SEL1L3: variants seen among roughly 807,000 people sequenced by gnomAD.
SEL1L3 encodes the protein SEL1L family member 3.
Under a neutral mutation model 142.8 loss-of-function variants are expected in SEL1L3, and 76 were observed. The ratio of observed to expected loss-of-function variants is 0.53; its 90% confidence interval spans 0.44 to 0.64. The LOEUF (loss-of-function observed/expected upper bound fraction) is 0.64. SEL1L3 is among the 30% of genes least tolerant of loss of function. SEL1L3 has a pLI of 0.00. For synonymous variants in SEL1L3, 504 were observed against 519.6 expected, an observed-to-expected ratio of 0.97 and a Z score of 0.41; for missense variants, 1,262 against 1,381.7, an observed-to-expected ratio of 0.91 and a Z score of 1.37.
intron 8 of SEL1L3, among the ~76,000 whole-genome samples, chr4:25,819,260 T>C (rs551474111): frequency 1.2e-4 from 18 of 152,360 alleles, no homozygotes; most frequent in African/African-American, 4.1e-4. Flanking sequence ...TGAGCATGCA[T>C]GAAAGCAGTC....
At chr4:25,752,008 C>T (rs1264123384) in intron 23 of SEL1L3, among the ~76,000 whole-genome samples, 1 of 150,304 alleles carries the variant, frequency 6.7e-6, no homozygotes, top group Non-Finnish European at 1.5e-5. Context: ...ACTCAGGAGG[C>T]TGAGGCAGGA....
chr4:25,795,109 A>T (rs1313613375), intron 11 of SEL1L3, among the ~76,000 whole-genome samples: 1 of 152,152 alleles, frequency 6.6e-6, no homozygotes, highest in African/African-American at 2.4e-5. Context: ...TGCTGGCTTA[A>T]TACTTAGATG....
intron 13 of SEL1L3, among the ~76,000 whole-genome samples, chr4:25,787,528 C>G (rs1320565549): frequency 6.6e-6 from 1 of 152,220 alleles, no homozygotes; most frequent in African/African-American, 2.4e-5. Context: ...CCATGTTGGC[C>G]AGGCTTGTCT....
At chr4:25,854,931 G>T (rs957153510) in intron 1 of SEL1L3, among the ~76,000 whole-genome samples, 2 of 152,226 alleles carry the variant, frequency 1.3e-5, no homozygotes, top group African/African-American at 4.8e-5. Flanking sequence ...GTGGGGCAAT[G>T]TTTCCTTAAG....
rs367998605 is a variant in SEL1L3, at chr4:25,767,667, G to A, written c.2761-58C>T. On this transcript the variant is annotated intron_variant, in intron 18 of 23. Transcript: ENST00000399878. ...TTAATATTTCGGCCAAGTGACCAAC[G>A]TTGCCTCCATAAAACCCAATTCATT... 2.7e-5 allele frequency: 40 copies of A among 1,472,432 alleles called. No homozygotes were observed. The African/African-American group carries it at 3.5e-4, about 13-fold the overall frequency. The allele number at this position is 1,472,432 out of a possible 1,614,324, so 91.2% of individuals were successfully genotyped here.
In SEL1L3 at chr4:25,847,637, T is replaced by A; in HGVS notation, c.390A>T (p.Lys130Asn). Residue 130 changes from lysine to asparagine, a missense_variant, in exon 2 of 24, where the codon AAA becomes AAT. By Grantham distance (94) the Lys-to-Asn change is moderately conservative. Transcript: ENST00000399878. ...GAAGATGTTTCTCATTCTTCCACCTTTTTTTGTACACGGGAATGCTACTTC... is the reference window on the plus strand; with the variant it reads ...GAAGATGTTTCTCATTCTTCCACCTATTTTTGTACACGGGAATGCTACTTC... ...EFRSSIPVYK[K>N]RWKNEKHLHT... 6.2e-7 allele frequency: 1 copy of A among 1,614,036 alleles called. No individual in the cohort carries two copies. The highest frequency in any genetic ancestry group is 8.5e-7 in the Non-Finnish European group (1 of 1,179,890).
rs926202360 is a variant in SEL1L3 at position 25,837,293 on chromosome 4, A to G, written c.734-1970T>C. On this transcript the variant is annotated intron_variant, in intron 2 of 23. Coordinates refer to ENST00000399878, the MANE Select transcript of SEL1L3 (RefSeq NM_015187.5). ...CAGATGGCCACGTTAGACCCCTAGG[A>G]AGCCTTCTGCTGGTGATGGCTGTTG... Among the ~76,000 whole-genome samples, 5 of 146,838 alleles carry G rather than the reference A, an allele frequency of 3.4e-5. No homozygotes were observed. The Admixed American group carries it at 3.5e-4, about 10-fold the overall frequency.
chr4:25,726,646 G>A, the SEL1L3 span, among the ~76,000 whole-genome samples: 47 of 152,232 alleles, frequency 3.1e-4, no homozygotes, highest in African/African-American at 1.1e-3. Context: ...ACACGATGCC[G>A]GGAACGGGCC....
At chr4:25,755,418 C>A (rs1439026777) in intron 23 of SEL1L3, among the ~76,000 whole-genome samples, 1 of 152,008 alleles carries the variant, frequency 6.6e-6, no homozygotes, top group African/African-American at 2.4e-5. Context: ...GTCTTTATTT[C>A]TTTATTTGGG....
At chr4:25,790,908 T>C (rs1285318851) in intron 11 of SEL1L3, among the ~76,000 whole-genome samples, 1 of 152,342 alleles carries the variant, frequency 6.6e-6, no homozygotes, top group East Asian at 1.9e-4. Flanking sequence ...CAAGAAAAAC[T>C]ATATGAATAA....
Position 25,862,674 on chromosome 4 carries a change from C to A in SEL1L3, c.162+1G>T. The A allele has an allele frequency of 7.7e-7, 1 of 1,290,324 alleles. No individual in the cohort carries two copies. The highest frequency in any genetic ancestry group is 9.8e-7 in the Non-Finnish European group (1 of 1,016,778). 79.9% of individuals were successfully genotyped at this position (1,290,324 alleles called of 1,614,324 possible). The stretch of plus-strand genomic sequence containing the variant: ...AGACCCGGGCAGGGTCCGGCGCTCA[C>A]CAGGTAGCAGAGCAGGAGCAGCGCG... On this transcript the variant is annotated splice_donor_variant, in intron 1 of 23. Transcript: ENST00000399878. LOFTEE classifies it high-confidence loss of function.
chr4:25,715,643 TA>T, the SEL1L3 span, among the ~76,000 whole-genome samples: 5,350 of 152,260 alleles, frequency 0.035, 290 homozygotes, highest in African/African-American at 0.12. Context: ...CCATTGTTTG[TA>T]ACAACAAAAT....
chr4:25,824,862 C>T (rs904283985), intron 6 of SEL1L3, among the ~76,000 whole-genome samples: 7 of 152,122 alleles, frequency 4.6e-5, no homozygotes, highest in African/African-American at 1.4e-4. Flanking sequence ...ATAGAGCTTA[C>T]TAAAAAATTG....
At chr4:25,779,714 T>C (rs1719872478) in intron 15 of SEL1L3, among the ~76,000 whole-genome samples, 1 of 152,210 alleles carries the variant, frequency 6.6e-6, no homozygotes, top group South Asian at 2.1e-4. Flanking sequence ...TCTTATGTCA[T>C]CAGAGACAGG....
At chr4:25,738,400 TTGTC>T in the SEL1L3 span, among the ~76,000 whole-genome samples, 7 of 152,184 alleles carry the variant, frequency 4.6e-5, no homozygotes, top group Non-Finnish European at 8.8e-5. Context: ...AGTACAGGTT[TTGTC>T]TGTCTGTTGG....
chr4:25,735,896 C>T, the SEL1L3 span, among the ~76,000 whole-genome samples: 1 of 138,482 alleles, frequency 7.2e-6, no homozygotes, highest in Admixed American at 7.8e-5. Flanking sequence ...GTGACCCGAT[C>T]TCAGCTCACT....
chr4:25,856,607 A>AC (rs1717281398), intron 1 of SEL1L3, among the ~76,000 whole-genome samples: 1 of 151,380 alleles, frequency 6.6e-6, no homozygotes, highest in South Asian at 2.1e-4. Context: ...AAAAAAAAAA[A>AC]AAAAAACAAA....
chr4:25,765,482 T>A (rs772047200), intron 19 of SEL1L3, 47 bp from the exon 20 acceptor site: 1 of 1,224,236 alleles, frequency 8.2e-7, no homozygotes, highest in African/African-American at 1.5e-5. Context: ...GTTTTTTTTA[T>A]ACCAACATTT....
rs1440323233 is a variant in SEL1L3, at chr4:25,771,642, T to G, written c.2670-3812A>C. Among the ~76,000 whole-genome samples the G allele has an allele frequency of 2.0e-5, 3 of 152,208 alleles. No individual in the cohort carries two copies. In the East Asian group the frequency reaches 5.8e-4, roughly 29 times the overall value. ...TGCAAAAAGGTGAATTTCTTTCACC[T>G]GGAGCTATGTATGCTTACTTGCCTT... On this transcript the variant is annotated intron_variant, in intron 17 of 23. Transcript: ENST00000399878.
Sources: gnomAD v4.1 joint callset for allele counts (sites outside exome capture counted in the v4.1 genomes callset) on GRCh38, gnomAD v4.1.1 for gene constraint, MANE v1.5 for transcripts, NCBI Gene and HGNC (gene_info 2026-07-23, HGNC 2026-07-21) for gene names.